NAALADL2: variants seen among roughly 807,000 people sequenced by gnomAD.
NAALADL2 encodes N-acetylated alpha-linked acidic dipeptidase like 2.
A neutral mutation model predicts 87.2 loss-of-function variants in NAALADL2; 76 were observed. The ratio of observed to expected loss-of-function variants is 0.87; its 90% CI spans 0.72 to 1.05. The LOEUF (loss-of-function observed/expected upper bound fraction) is 1.05. NAALADL2 is among the 50% of genes least tolerant of loss of function. NAALADL2 has a pLI of 0.00. For synonymous variants in NAALADL2, 354 were observed against 331.0 expected (o/e 1.07, Z -0.75); for missense variants, 1,089 against 945.8 (o/e 1.15, Z -1.99).
At chr3:174,767,570 C>T (rs1713979234) in intron 3 of NAALADL2, among the ~76,000 whole-genome samples, 1 of 152,046 alleles carries the variant, frequency 6.6e-6, no homozygotes. Flanking sequence ...ATGACGCTCA[C>T]AGGAAGCTAT....
chr3:175,531,477 A>G (rs1287186095), intron 9 of NAALADL2, among the ~76,000 whole-genome samples: 1 of 152,192 alleles, frequency 6.6e-6, no homozygotes, highest in Non-Finnish European at 1.5e-5. Context: ...CTTCTTGCTC[A>G]CTGGATCCAA....
intron 5 of NAALADL2, among the ~76,000 whole-genome samples, chr3:175,401,149 G>T (rs933044150): frequency 1.1e-4 from 16 of 152,090 alleles, no homozygotes; most frequent in African/African-American, 3.4e-4. Context: ...CCTTGAGAAG[G>T]CCAGGTGGGG....
intron 3 of NAALADL2, among the ~76,000 whole-genome samples, chr3:175,241,649 A>G (rs773460437): frequency 6.6e-6 from 1 of 152,122 alleles, no homozygotes; most frequent in Admixed American, 6.6e-5. Flanking sequence ...ATCTAACACA[A>G]CATATTGTAC....
At chr3:175,105,129 C>T (rs1403954618) in intron 2 of NAALADL2, among the ~76,000 whole-genome samples, 1 of 152,132 alleles carries the variant, frequency 6.6e-6, no homozygotes, top group Non-Finnish European at 1.5e-5. Context: ...AGATCTGGCT[C>T]AGGTGCCCAC....
chr3:174,662,491 C>G (rs1725592169), intron 2 of NAALADL2, among the ~76,000 whole-genome samples: 1 of 151,400 alleles, frequency 6.6e-6, no homozygotes. Context: ...ACAGCATCAA[C>G]TATTTTTTGT....
chr3:175,590,649 A>G (rs1347515134), intron 10 of NAALADL2, among the ~76,000 whole-genome samples: 1 of 152,178 alleles, frequency 6.6e-6, no homozygotes, highest in Non-Finnish European at 1.5e-5. Context: ...TAGGAAATAG[A>G]AAATGCATGA....
At chr3:174,462,320 C>T (rs1283020581) in intron 1 of NAALADL2, among the ~76,000 whole-genome samples, 1 of 152,080 alleles carries the variant, frequency 6.6e-6, no homozygotes, top group South Asian at 2.1e-4. Flanking sequence ...ATGTAGCCAC[C>T]TTCTTTCCAA....
chr3:174,831,015 A>G (rs1181425063), intron 3 of NAALADL2, among the ~76,000 whole-genome samples: 1 of 150,592 alleles, frequency 6.6e-6, no homozygotes, highest in African/African-American at 2.5e-5. Flanking sequence ...GGGCTGAGAC[A>G]ATGGTGTTTT....
At chr3:175,440,075 T>G (rs771144905) in intron 5 of NAALADL2, among the ~76,000 whole-genome samples, 19 of 152,286 alleles carry the variant, frequency 1.2e-4, no homozygotes, top group Admixed American at 1.2e-3. Flanking sequence ...AGATGAGAGA[T>G]GAGAACCCAG....
At chr3:174,721,597 G>A (rs1034268815) in intron 2 of NAALADL2, among the ~76,000 whole-genome samples, 6 of 152,174 alleles carry the variant, frequency 3.9e-5, no homozygotes, top group African/African-American at 1.4e-4. Flanking sequence ...AAGTTTGATG[G>A]TATGGAGGAG....
chr3:175,440,789 A>T (rs12496375), intron 5 of NAALADL2, among the ~76,000 whole-genome samples: 8 of 152,108 alleles, frequency 5.3e-5, no homozygotes, highest in African/African-American at 1.9e-4. Flanking sequence ...TTTTTGGATG[A>T]GTCTTTAGGG....
intron 1 of NAALADL2, chr3:174,864,197 G>A: frequency 5.6e-6 from 2 of 354,698 alleles, no homozygotes; most frequent in African/African-American, 2.2e-5. Flanking sequence ...AAAGAGATTA[G>A]GAAAACAAAA....
intron 11 of NAALADL2, among the ~76,000 whole-genome samples, chr3:175,729,221 G>A (rs577462234): frequency 3.3e-5 from 5 of 152,256 alleles, no homozygotes; most frequent in African/African-American, 9.6e-5. Flanking sequence ...TCTAAGGAGA[G>A]CACCTATCTT....
chr3:175,610,227 G>A (rs1287853299), intron 10 of NAALADL2, among the ~76,000 whole-genome samples: 1 of 152,074 alleles, frequency 6.6e-6, no homozygotes, highest in Non-Finnish European at 1.5e-5. Context: ...AGCTTTCTTA[G>A]CAAATTGGGA....
At chr3:175,119,583 A>G (rs1725802367) in intron 2 of NAALADL2, among the ~76,000 whole-genome samples, 1 of 150,728 alleles carries the variant, frequency 6.6e-6, no homozygotes, top group Admixed American at 6.7e-5. Context: ...GAAGAGAAAG[A>G]AATATAATTA....
At chr3:175,670,381 T>C (rs1395590166) in intron 11 of NAALADL2, among the ~76,000 whole-genome samples, 1 of 57,598 alleles carries the variant, frequency 1.7e-5, no homozygotes, top group Non-Finnish European at 3.9e-5. Flanking sequence ...TAATCAAAAT[T>C]ATAACATTTA....
intron 2 of NAALADL2, among the ~76,000 whole-genome samples, chr3:175,176,200 C>A (rs1248250073): frequency 2.0e-5 from 3 of 151,902 alleles, no homozygotes; most frequent in Non-Finnish European, 4.4e-5. Context: ...TGGAAAATGA[C>A]ATTTTTTTTT....
At chr3:175,555,739 G>A (rs1390135498) in intron 9 of NAALADL2, among the ~76,000 whole-genome samples, 1 of 151,852 alleles carries the variant, frequency 6.6e-6, no homozygotes, top group African/African-American at 2.4e-5. Context: ...TTATTTACTG[G>A]GATGCATATT....
chr3:175,620,068 T>C (rs1238683315), intron 10 of NAALADL2, among the ~76,000 whole-genome samples: 1 of 82,330 alleles, frequency 1.2e-5, no homozygotes. Context: ...TTTTTATCTC[T>C]TTTTGGAAAA....
Sources: gnomAD v4.1 joint callset for allele counts (sites outside exome capture counted in the v4.1 genomes callset) on GRCh38, gnomAD v4.1.1 for gene constraint, MANE v1.5 for transcripts, NCBI Gene and HGNC (gene_info 2026-07-23, HGNC 2026-07-21) for gene names.